Variants in KATNAL2 observed in about 807,000 individuals in gnomAD.
KATNAL2 encodes katanin catalytic subunit A1 like 2.
KATNAL2 carries 52 observed loss-of-function variants against 76.3 expected under a neutral mutation model. The observed-to-expected ratio is 0.68, with a 90% confidence interval of 0.55 to 0.86. The LOEUF (loss-of-function observed/expected upper bound fraction) is 0.86, where lower values mean the gene tolerates loss of function less well. KATNAL2 is among the 40% of genes least tolerant of loss of function. The pLI is 0.00. For missense variants in KATNAL2, 660 were observed against 668.9 expected (o/e 0.99, Z 0.15); for synonymous variants, 243 against 244.2 (o/e 1.00, Z 0.05).
At chr18:47,035,429 G>A (rs2146970363) in intron 3 of KATNAL2, 1 of 1,418,422 alleles carries the variant, frequency 7.1e-7, no homozygotes, top group Non-Finnish European at 9.4e-7. Context: ...CGGAGCAGCA[G>A]GCCACTTGGT....
In KATNAL2 at chr18:47,037,867, A is replaced by G. The variant is rs1047846115; in HGVS notation, c.52-8590A>G. ...GGAAAGCCATTTTTTTTTTTTTATTAGAGATGGGAGTCTCCCTATGTTGCC... is the reference window on the plus strand; with the variant it reads ...GGAAAGCCATTTTTTTTTTTTTATTGGAGATGGGAGTCTCCCTATGTTGCC... On this transcript the variant is annotated intron_variant, in intron 3 of 17. Coordinates refer to ENST00000683218, the MANE Select transcript of KATNAL2 (RefSeq NM_001387690.1). Among the ~76,000 whole-genome samples, 25 of 146,534 alleles carry G rather than the reference A, an allele frequency of 1.7e-4. 1 individual carries two copies. The highest frequency in any genetic ancestry group is 8.1e-4 in the Admixed American group (12 of 14,730).
intron 6 of KATNAL2, among the ~76,000 whole-genome samples, chr18:47,057,004 C>A (rs943694040): frequency 1.3e-4 from 19 of 151,592 alleles, no homozygotes; most frequent in African/African-American, 2.9e-4. Context: ...AAAAAAAAAA[C>A]CCCAAGAACT....
intron 1 of KATNAL2, among the ~76,000 whole-genome samples, chr18:46,932,952 A>G (rs2146567640): frequency 1.3e-5 from 2 of 151,968 alleles, no homozygotes; most frequent in South Asian, 4.2e-4. Context: ...TAATAGAGAC[A>G]GGGTTTCACT....
intron 3 of KATNAL2, among the ~76,000 whole-genome samples, chr18:46,961,768 A>G (rs1407015532): frequency 6.6e-6 from 1 of 152,218 alleles, no homozygotes; most frequent in Non-Finnish European, 1.5e-5. Context: ...AAAATAGTCC[A>G]AGGCCAGTCT....
chr18:47,062,994 G>C lies in KATNAL2; in HGVS notation c.572G>C (p.Gly191Ala). The change falls in exon 9 of 18, where the codon GGG (glycine) becomes GCG (alanine). Residue 191 changes from glycine to alanine, a missense_variant. Physicochemically the swap from Gly to Ala is moderately conservative, Grantham distance 60. Transcript: ENST00000683218. ...CAGGGCCAAATCATTGACTTCCAAG[G>C]GCTGCTCACAGATGCCATCAAGGGA... ...PRRGQIIDFQ[G>A]LLTDAIKGAT... 1 of 1,613,998 alleles carries C rather than the reference G, an allele frequency of 6.2e-7. No homozygotes were observed. Among genetic ancestry groups the C allele is most frequent in the Non-Finnish European group, 8.5e-7 (1 of 1,179,986 alleles).
chr18:47,038,089 A>T (rs895177029), intron 3 of KATNAL2, among the ~76,000 whole-genome samples: 19 of 147,816 alleles, frequency 1.3e-4, no homozygotes, highest in African/African-American at 1.1e-4. Context: ...TGATTCTAAT[A>T]AAAAAAAAGT....
Position 47,053,057 on chromosome 18 carries a change from A to G in KATNAL2, c.289+11A>G, listed in dbSNP as rs761737658. 6 of 1,572,720 alleles carry G rather than the reference A, an allele frequency of 3.8e-6. No individual in the cohort carries two copies. Among genetic ancestry groups the G allele is most frequent in the Non-Finnish European group, 5.2e-6 (6 of 1,161,568 alleles). ...AGTCATCAGACACAGGTACATGCCTATTTTCTAGAGATAAGGCTTTGTCTC... is the reference window on the plus strand; with the variant it reads ...AGTCATCAGACACAGGTACATGCCTGTTTTCTAGAGATAAGGCTTTGTCTC... On this transcript the variant is annotated intron_variant, in intron 5 of 17. Transcript: ENST00000683218.
At chr18:46,932,854 T>G (rs2146566838) in intron 1 of KATNAL2, among the ~76,000 whole-genome samples, 1 of 151,916 alleles carries the variant, frequency 6.6e-6, no homozygotes, top group Non-Finnish European at 1.5e-5. Context: ...AACCTCTGCC[T>G]TCTGGGTTCA....
intron 3 of KATNAL2, chr18:47,033,214 G>A (rs774047592): frequency 6.2e-7 from 1 of 1,614,036 alleles, no homozygotes; most frequent in Middle Eastern, 1.7e-4. Flanking sequence ...GCTGGAGGGA[G>A]TGTGGCTGCT....
Position 46,923,034 on chromosome 18 carries a change from C to A in KATNAL2, c.-510+5108C>A, listed in dbSNP as rs376674547. On this transcript the variant is annotated intron_variant, in intron 1 of 17. Coordinates refer to ENST00000683218, the MANE Select transcript of KATNAL2 (RefSeq NM_001387690.1). Reference sequence around the variant, plus strand: ...CATACAGAACTTTTTTTTTTTAGACCTTTAGTAAGATCTCAACTTATTTTT... The same window carrying A: ...CATACAGAACTTTTTTTTTTTAGACATTTAGTAAGATCTCAACTTATTTTT... Among the ~76,000 whole-genome samples, 57 of 146,750 alleles carry A rather than the reference C, an allele frequency of 3.9e-4. No individual in the cohort carries two copies. The East Asian group carries it at 0.01, about 26-fold the overall frequency.
Position 47,089,506 on chromosome 18 carries a change from C to T in KATNAL2, c.1212-9737C>T, listed in dbSNP as rs113057118. On this transcript the variant is annotated intron_variant, in intron 15 of 17. Coordinates refer to ENST00000683218, the MANE Select transcript of KATNAL2 (RefSeq NM_001387690.1). ...GCTCTCAACCCAAACATCAGTAGGACATAAACTGAACTGATAGCTGCAGAC... is the reference window on the plus strand; with the variant it reads ...GCTCTCAACCCAAACATCAGTAGGATATAAACTGAACTGATAGCTGCAGAC... Among the ~76,000 whole-genome samples the T allele has an allele frequency of 4.5e-3, 691 of 152,218 alleles. 3 individuals are homozygous for T. The highest frequency in any genetic ancestry group is 0.016 in the African/African-American group (649 of 41,526).
At chr18:47,066,847 T>TG (rs2061812332) in intron 10 of KATNAL2, among the ~76,000 whole-genome samples, 174 bp from the exon 11 acceptor site, 30 of 29,576 alleles carry the variant, frequency 1.0e-3, no homozygotes, top group South Asian at 1.7e-3. Context: ...ATATATGTGT[T>TG]TATATATATA....
intron 15 of KATNAL2, chr18:47,084,555 A>AC (rs2062679912): frequency 1.7e-6 from 1 of 602,708 alleles, no homozygotes; most frequent in East Asian, 2.8e-5. Context: ...ATGTCTTTAA[A>AC]ATACGACTGT....
At chr18:46,937,010 T>G (rs189824114) in intron 1 of KATNAL2, among the ~76,000 whole-genome samples, 1 of 152,146 alleles carries the variant, frequency 6.6e-6, no homozygotes, top group Non-Finnish European at 1.5e-5. Flanking sequence ...TAAGTGACTA[T>G]AAACCAATGT....
intron 1 of KATNAL2, among the ~76,000 whole-genome samples, chr18:46,925,762 G>T (rs1210920882): frequency 2.0e-5 from 3 of 152,086 alleles, no homozygotes; most frequent in Non-Finnish European, 4.4e-5. Flanking sequence ...CAATTTCAGA[G>T]CCTGTTATTG....
Position 47,054,416 on chromosome 18 carries a change from A to G in KATNAL2, c.310A>G (p.Arg104Gly). 6.2e-7 allele frequency: 1 copy of G among 1,613,830 alleles called. No individual in the cohort carries two copies. Among genetic ancestry groups the G allele is most frequent in the Non-Finnish European group, 8.5e-7 (1 of 1,179,710 alleles). The part of the protein sequence containing the change: ...SDTAENNLPQ[R>G]SRGKTRRMMN... ...CACAGCAGAAAATAATTTACCGCAAAGAAGTAGAGGGAAGACCAGAAGGTA... is the reference window on the plus strand; with the variant it reads ...CACAGCAGAAAATAATTTACCGCAAGGAAGTAGAGGGAAGACCAGAAGGTA... The change falls in exon 6 of 18, where the codon AGA becomes GGA. Residue 104 changes from arginine to glycine, a missense_variant. By Grantham distance (125) the Arg-to-Gly change is moderately radical (BLOSUM62 -2). Coordinates refer to ENST00000683218, the MANE Select transcript of KATNAL2 (RefSeq NM_001387690.1).
chr18:46,924,202 G>C (rs983467537), intron 1 of KATNAL2, among the ~76,000 whole-genome samples: 40 of 152,140 alleles, frequency 2.6e-4, no homozygotes, highest in Non-Finnish European at 2.6e-4. Context: ...GGTTTTTATG[G>C]TTTTAGGTCT....
intron 1 of KATNAL2, among the ~76,000 whole-genome samples, chr18:46,934,758 C>G (rs1483879665): frequency 6.6e-6 from 1 of 152,112 alleles, no homozygotes; most frequent in Non-Finnish European, 1.5e-5. Context: ...CCTAGGTTTT[C>G]TTCTAGGGTT....
chr18:47,088,335 A>G (rs2062861416), intron 15 of KATNAL2, among the ~76,000 whole-genome samples: 1 of 152,052 alleles, frequency 6.6e-6, no homozygotes, highest in African/African-American at 2.4e-5. Context: ...CCACCATTCA[A>G]TGTCTCTCCA....
Sources: gnomAD v4.1 joint callset for allele counts (sites outside exome capture counted in the v4.1 genomes callset) on GRCh38, gnomAD v4.1.1 for gene constraint, MANE v1.5 for transcripts, NCBI Gene and HGNC (gene_info 2026-07-23, HGNC 2026-07-21) for gene names.